OTOGL: variants seen among roughly 807,000 people sequenced by gnomAD.
The protein encoded by OTOGL is otogelin like.
In OTOGL, 285 loss-of-function variants were observed where a neutral mutation model predicts 318.5. The observed-to-expected ratio is 0.89, with a 90% CI of 0.81 to 0.99. OTOGL has a LOEUF of 0.99. Ranked by LOEUF, OTOGL falls within the 50% of genes least tolerant of loss-of-function variation. The pLI, the probability that OTOGL is intolerant of heterozygous loss-of-function variation, is 0.00. For missense variants in OTOGL, 2,899 were observed against 2,845.6 expected (o/e 1.02, Z -0.43); for synonymous variants, 987 against 936.5 (o/e 1.05, Z -0.99).
chr12:80,103,113 T>A, intron 1 of OTOGL: 1 of 1,102,478 alleles, frequency 9.1e-7, no homozygotes, highest in Non-Finnish European at 1.4e-6. Context: ...TTTCTTCCTG[T>A]AAACCTGGAC....
At chr12:80,307,311 T>C (rs545108802) in intron 29 of OTOGL, among the ~76,000 whole-genome samples, 3 of 152,002 alleles carry the variant, frequency 2.0e-5, no homozygotes, top group African/African-American at 7.2e-5. Context: ...CCGTTCTCAA[T>C]GAGCTGTTGG....
intron 1 of OTOGL, among the ~76,000 whole-genome samples, chr12:80,168,471 G>A (rs916928537): frequency 1.3e-4 from 20 of 152,112 alleles, no homozygotes; most frequent in African/African-American, 4.6e-4. Flanking sequence ...TAACCATACT[G>A]GGGAATTAAG....
At chr12:80,312,542 G>A (rs1037645581) in intron 30 of OTOGL, among the ~76,000 whole-genome samples, 5 of 152,150 alleles carry the variant, frequency 3.3e-5, no homozygotes, top group African/African-American at 1.2e-4. Context: ...TTTTAAGAGT[G>A]TAAAGGGATT....
Position 80,211,196 on chromosome 12 carries a change from T to C in OTOGL, c.119+310T>C, listed in dbSNP as rs917013604. ...TTTCAAAAGTTTGTAAAATAAGTTA[T>C]ATTCCATAATATTATCCTTTACATT... is the stretch of plus-strand genomic sequence containing the variant. On this transcript the variant is annotated intron_variant, in intron 3 of 58. Coordinates refer to ENST00000547103, the MANE Select transcript of OTOGL (RefSeq NM_001378609.3). 4.6e-5 allele frequency among the ~76,000 whole-genome samples: 7 copies of C among 152,188 alleles called. No homozygotes were observed. The South Asian group carries it at 1.5e-3, about 32-fold the overall frequency.
rs1890836189 is a variant in OTOGL at position 80,370,799 on chromosome 12, G to A, written c.6735+110G>A. 7 of 787,132 alleles carry A rather than the reference G, an allele frequency of 8.9e-6. No individual in the cohort carries two copies. The East Asian group carries it at 2.3e-4, about 26-fold the overall frequency. 48.8% of individuals were successfully genotyped at this position (787,132 alleles called of 1,614,324 possible). ...TTGTGGCTTATACATAATGGCGAAT[G>A]TGTTATTTTCATGAATGAATAAAAG... On this transcript the variant is annotated intron_variant, in intron 56 of 58. Transcript: ENST00000547103.
intron 1 of OTOGL, among the ~76,000 whole-genome samples, chr12:80,175,763 C>A (rs1323812848): frequency 1.3e-5 from 2 of 152,066 alleles, no homozygotes. Context: ...TGGCATCCTG[C>A]CTGATTCACT....
chr12:80,335,917 CATT>C, intron 38 of OTOGL, 43 bp from the exon 39 acceptor site: 1 of 1,448,666 alleles, frequency 6.9e-7, no homozygotes, highest in Non-Finnish European at 9.2e-7. Flanking sequence ...CAATTAAAAA[CATT>C]AGCTGAGAAT....
chr12:80,138,409 A>AATG (rs1297389068), intron 1 of OTOGL, among the ~76,000 whole-genome samples: 32 of 152,300 alleles, frequency 2.1e-4, no homozygotes, highest in African/African-American at 7.0e-4. Context: ...GTTCTTGGCA[A>AATG]ATGGTAAGTA....
At chr12:80,156,859 C>T (rs1162366157) in intron 1 of OTOGL, among the ~76,000 whole-genome samples, 2 of 152,048 alleles carry the variant, frequency 1.3e-5, no homozygotes, top group Admixed American at 1.3e-4. Context: ...ACTTAGATTG[C>T]ATCCAAATCT....
At chr12:80,338,916 C>T (rs1423742696) in intron 42 of OTOGL, among the ~76,000 whole-genome samples, 159 bp from the exon 43 acceptor site, 1 of 151,856 alleles carries the variant, frequency 6.6e-6, no homozygotes, top group Non-Finnish European at 1.5e-5. Context: ...AATAAAATAG[C>T]TTAAAGGTTC....
At chr12:80,313,174 T>A (rs1248467489) in intron 30 of OTOGL, among the ~76,000 whole-genome samples, 2 of 152,206 alleles carry the variant, frequency 1.3e-5, no homozygotes, top group African/African-American at 4.8e-5. Context: ...TATTTTAATG[T>A]CATGTGATTA....
intron 14 of OTOGL, 145 bp from the exon 15 acceptor site, chr12:80,254,379 T>G (rs79991697): frequency 2.3e-6 from 1 of 434,864 alleles, no homozygotes; most frequent in Non-Finnish European, 4.0e-6. Flanking sequence ...TTTATTTTAT[T>G]TTATTTTTTG....
At chr12:80,104,002 A>C (rs143865493) in intron 1 of OTOGL, among the ~76,000 whole-genome samples, 2 of 152,188 alleles carry the variant, frequency 1.3e-5, no homozygotes, top group Non-Finnish European at 2.9e-5. Context: ...TTCCCTGTTG[A>C]CTTAATCCCA....
chr12:80,319,548 C>T (rs1887191698), intron 33 of OTOGL, among the ~76,000 whole-genome samples: 3 of 152,086 alleles, frequency 2.0e-5, no homozygotes, highest in African/African-American at 7.2e-5. Flanking sequence ...ATTTTTTTCT[C>T]ATGTAAAAAT....
chr12:80,313,950 G>A (rs1886814427), intron 31 of OTOGL, among the ~76,000 whole-genome samples: 1 of 151,922 alleles, frequency 6.6e-6, no homozygotes, highest in African/African-American at 2.4e-5. Context: ...TCATCGTTCT[G>A]ATGATAAATA....
chr12:80,239,285 C>T, intron 10 of OTOGL, 48 bp from the exon 11 acceptor site: 1 of 1,356,270 alleles, frequency 7.4e-7, no homozygotes. Context: ...GAAGACTATA[C>T]ACATACCATG....
chr12:80,322,592 C>T (rs1230485695), intron 34 of OTOGL, among the ~76,000 whole-genome samples: 1 of 152,064 alleles, frequency 6.6e-6, no homozygotes, highest in Non-Finnish European at 1.5e-5. Context: ...GTCCAGAGTC[C>T]AAGAAACATA....
chr12:80,376,058 A>G (rs984621370), intron 57 of OTOGL, among the ~76,000 whole-genome samples: 4 of 152,032 alleles, frequency 2.6e-5, no homozygotes, highest in African/African-American at 9.7e-5. Context: ...GTATAATAAT[A>G]ATAAAATTTA....
intron 7 of OTOGL, 33 bp from the exon 8 acceptor site, chr12:80,229,224 C>G (rs1233143758): frequency 6.3e-7 from 1 of 1,584,262 alleles, no homozygotes; most frequent in East Asian, 2.2e-5. Context: ...ATTGTTTGTT[C>G]CTATGCTTTC....
Sources: allele counts gnomAD v4.1 joint callset (sites outside exome capture counted in the v4.1 genomes callset), GRCh38; gene constraint gnomAD v4.1.1; transcripts MANE v1.5; gene names NCBI Gene and HGNC (gene_info 2026-07-23, HGNC 2026-07-21).